Variants in PROK2 observed in about 807,000 individuals in gnomAD.
PROK2 encodes prokineticin-2.
Under a neutral mutation model 14.2 loss-of-function variants are expected in PROK2, and 8 were observed. The observed-to-expected ratio is 0.56, with a 90% CI of 0.33 to 1.02. The LOEUF (loss-of-function observed/expected upper bound fraction) is 1.02, where lower values mean the gene tolerates loss of function less well. PROK2 is among the 50% of genes least tolerant of loss of function. PROK2 has a pLI of 0.03. For missense variants in PROK2, 154 were observed against 160.4 expected, an observed-to-expected ratio of 0.96 and a Z score of 0.22; for synonymous variants, 59 against 60.7, an observed-to-expected ratio of 0.97 and a Z score of 0.13.
intron 2 of PROK2, among the ~76,000 whole-genome samples, chr3:71,780,107 G>T (rs2050150064): frequency 6.6e-6 from 1 of 152,186 alleles, no homozygotes; most frequent in Admixed American, 6.5e-5. Flanking sequence ...AACCTCTTCT[G>T]TCCAAGAAAA....
In PROK2 at chr3:71,776,351, C is replaced by A. The variant is rs1256982896; in HGVS notation, c.223-1844G>T. Among the ~76,000 whole-genome samples the A allele has an allele frequency of 7.7e-5, 10 of 130,476 alleles. No individual in the cohort carries two copies. In the South Asian group the frequency reaches 2.2e-3, roughly 29 times the overall value. 85.6% of individuals were successfully genotyped at this position (130,476 alleles called of 152,430 possible). A position where few individuals can be genotyped will look rare whatever the true frequency, so the allele number is the denominator to read the frequency against. On this transcript the variant is annotated intron_variant, in intron 2 of 3. Transcript: ENST00000295619. ...CTTTTCTCTCTTCTTTTCTTTTTTT[C>A]TTTTCGCTTTTCATTTTTTTTTTTT... is the stretch of plus-strand genomic sequence containing the variant.
At chr3:71,781,234 T>A (rs1444361730) in intron 2 of PROK2, among the ~76,000 whole-genome samples, 2 of 152,234 alleles carry the variant, frequency 1.3e-5, no homozygotes, top group Non-Finnish European at 2.9e-5. Flanking sequence ...AAAATGCTTC[T>A]AACACCATGA....
At chr3:71,782,393 CAA>C (rs2050167497) in intron 1 of PROK2, among the ~76,000 whole-genome samples, 1 of 152,156 alleles carries the variant, frequency 6.6e-6, no homozygotes, top group Non-Finnish European at 1.5e-5. Context: ...AGTAATTACT[CAA>C]GTCACCTGCT....
In PROK2 at chr3:71,778,139, G is replaced by A. The variant is rs1578410766; in HGVS notation, c.222+3328C>T. ...GTGAACCCGGGAGGCGGAGCTTGCAGTGAGCCGAGATCACACCACTGCACT... is the reference window on the plus strand; with the variant it reads ...GTGAACCCGGGAGGCGGAGCTTGCAATGAGCCGAGATCACACCACTGCACT... On this transcript the variant is annotated intron_variant, in intron 2 of 3. Transcript: ENST00000295619. Among the ~76,000 whole-genome samples the A allele has an allele frequency of 2.0e-5, 3 of 151,650 alleles. 1 individual carries two copies. In the Middle Eastern group the frequency reaches 0.01, roughly 516 times the overall value.
chr3:71,777,155 A>T (rs2050126600), intron 2 of PROK2, among the ~76,000 whole-genome samples: 1 of 152,228 alleles, frequency 6.6e-6, no homozygotes, highest in African/African-American at 2.4e-5. Flanking sequence ...AAGCGCATAT[A>T]GTACCAAAGT....
At chr3:71,773,389 A>C (rs2050094961) in intron 3 of PROK2, among the ~76,000 whole-genome samples, 1 of 152,198 alleles carries the variant, frequency 6.6e-6, no homozygotes, top group African/African-American at 2.4e-5. Flanking sequence ...AGGCAAAGAG[A>C]GACTGGTATA....
In PROK2 at chr3:71,783,756, G is replaced by C. The variant is rs73837597; in HGVS notation, c.96+1201C>G. Among the ~76,000 whole-genome samples, 996 of 152,236 alleles carry C rather than the reference G, an allele frequency of 6.5e-3. 15 individuals are homozygous for C. Among genetic ancestry groups the C allele is most frequent in the African/African-American group, 0.023 (966 of 41,534 alleles). On this transcript the variant is annotated intron_variant, in intron 1 of 3. Transcript: ENST00000295619. ...CATGTATTAGAAAGACCTGCAAAAA[G>C]TTTTTCTCAACCACATGGACTGGCA...
chr3:71,785,027 A>C lies in PROK2; in HGVS notation c.26T>G (p.Leu9Arg). The change falls in exon 1 of 4, where the codon CTC becomes CGC. Residue 9 changes from leucine (L) to arginine (R), a missense_variant. Transcript: ENST00000295619. Reference protein sequence around the residue: MRSLCCAPLLLLLLLPPLL... With the variant: MRSLCCAPRLLLLLLPPLL... ...CGGCGGCAGCAGCAAGAGGAGCAGG[A>C]GTGGGGCGCAGCACAGGCTCCTCAT... 1 of 1,244,614 alleles carries C rather than the reference A, an allele frequency of 8.0e-7. No homozygotes were observed. The highest frequency in any genetic ancestry group is 1.0e-6 in the Non-Finnish European group (1 of 991,036). 77.1% of individuals were successfully genotyped at this position (1,244,614 alleles called of 1,614,324 possible).
intron 3 of PROK2, among the ~76,000 whole-genome samples, 170 bp downstream of exon 3, chr3:71,774,274 TA>T (rs2108189926): frequency 6.6e-6 from 1 of 152,328 alleles, no homozygotes; most frequent in South Asian, 2.1e-4. Context: ...ATATATCATA[TA>T]GATATCAATA....
Position 71,774,428 on chromosome 3 carries a change from A to G in PROK2, c.285+17T>C. Reference sequence around the variant, plus strand: ...TGGGCATGTCTTTCGGTGGTACCACATTCGCATTCTTCTTACCTCCTTTTT... The same window carrying G: ...TGGGCATGTCTTTCGGTGGTACCACGTTCGCATTCTTCTTACCTCCTTTTT... On this transcript the variant is annotated intron_variant, in intron 3 of 3. Transcript: ENST00000295619. 6.4e-7 allele frequency: 1 copy of G among 1,551,520 alleles called. No individual in the cohort carries two copies. The highest frequency in any genetic ancestry group is 8.7e-7 in the Non-Finnish European group (1 of 1,146,928).
intron 3 of PROK2, among the ~76,000 whole-genome samples, chr3:71,774,001 G>A (rs746770876): frequency 2.6e-5 from 4 of 152,184 alleles, no homozygotes; most frequent in African/African-American, 9.7e-5. Context: ...GGCCTGGAGC[G>A]TCTGTGAAAT....
chr3:71,778,336 CA>C (rs2050135863), intron 2 of PROK2, among the ~76,000 whole-genome samples: 1 of 152,090 alleles, frequency 6.6e-6, no homozygotes, highest in African/African-American at 2.4e-5. Flanking sequence ...ATATATCTCA[CA>C]TATTTTATTC....
chr3:71,781,607 A>G lies in PROK2; in HGVS notation c.97-15T>C. On this transcript the variant is annotated splice_polypyrimidine_tract_variant and intron_variant, in intron 1 of 3. Transcript: ENST00000295619. ...TTGTCACAAGCCTGAAATGTAATAAACAAACAGATAAATATAGATAACAGG... is the reference window on the plus strand; with the variant it reads ...TTGTCACAAGCCTGAAATGTAATAAGCAAACAGATAAATATAGATAACAGG... 6.2e-7 allele frequency: 1 copy of G among 1,607,132 alleles called. No homozygotes were observed. Among genetic ancestry groups the G allele is most frequent in the Middle Eastern group, 1.7e-4 (1 of 6,038 alleles).
At chr3:71,779,051 G>A (rs747688136) in intron 2 of PROK2, among the ~76,000 whole-genome samples, 10 of 152,192 alleles carry the variant, frequency 6.6e-5, no homozygotes, top group Non-Finnish European at 1.5e-4. Flanking sequence ...GACTAAACCT[G>A]AAATTGAAGT....
intron 2 of PROK2, among the ~76,000 whole-genome samples, chr3:71,778,210 A>C (rs2050134644): frequency 6.6e-6 from 1 of 151,128 alleles, no homozygotes; most frequent in African/African-American, 2.4e-5. Flanking sequence ...AAAATAAATA[A>C]ATAAAATAAA....
chr3:71,776,372 T>C (rs1481397282), intron 2 of PROK2, among the ~76,000 whole-genome samples: 5 of 113,578 alleles, frequency 4.4e-5, no homozygotes, highest in African/African-American at 1.2e-4. Context: ...TCATTTTTTT[T>C]TTTTTTTTTT....
At chr3:71,782,136 T>G (rs72953288) in intron 1 of PROK2, among the ~76,000 whole-genome samples, 26,522 of 152,174 alleles carry the variant, frequency 0.17, 2,609 homozygotes, top group East Asian at 0.38. Context: ...TGCATTTTGG[T>G]TCAAGAGACT....
intron 2 of PROK2, among the ~76,000 whole-genome samples, chr3:71,778,965 A>AT (rs1267941763): frequency 6.6e-6 from 1 of 152,398 alleles, no homozygotes; most frequent in Middle Eastern, 3.4e-3. Context: ...TGGATCCATG[A>AT]TAAAAACAGA....
At chr3:71,779,734 G>C (rs754519355) in intron 2 of PROK2, among the ~76,000 whole-genome samples, 1 of 152,064 alleles carries the variant, frequency 6.6e-6, no homozygotes, top group Non-Finnish European at 1.5e-5. Flanking sequence ...AGCCTTCCTG[G>C]TAATTAGGAC....
Sources: gnomAD v4.1 joint callset for allele counts (sites outside exome capture counted in the v4.1 genomes callset) on GRCh38, gnomAD v4.1.1 for gene constraint, MANE v1.5 for transcripts, NCBI Gene and HGNC (gene_info 2026-07-23, HGNC 2026-07-21) for gene names.